ATP5F1A: variants seen among roughly 807,000 people sequenced by gnomAD.
The protein encoded by ATP5F1A is ATP synthase F(1) complex subunit alpha, mitochondrial.
Under a neutral mutation model 57.4 loss-of-function variants are expected in ATP5F1A, and 24 were observed. The observed-to-expected ratio is 0.42, with a 90% CI of 0.30 to 0.59. ATP5F1A has a LOEUF of 0.59. Ranked by LOEUF, ATP5F1A falls within the 20% of genes least tolerant of loss-of-function variation. ATP5F1A has a pLI of 0.19. For missense variants in ATP5F1A, 494 were observed against 707.9 expected (o/e 0.70, Z 3.43); for synonymous variants, 251 against 255.5 (o/e 0.98, Z 0.17).
At position 46,095,249 on chromosome 18, in the gene ATP5F1A, T is replaced by C. The variant is rs1910856578; in HGVS notation, c.61-118A>G. 13 of 909,266 alleles carry C rather than the reference T, an allele frequency of 1.4e-5. 1 individual carries two copies. The South Asian group carries it at 2.2e-4, about 15-fold the overall frequency. 56.3% of individuals were successfully genotyped at this position (909,266 alleles called of 1,614,324 possible). On this transcript the variant is annotated intron_variant, in intron 1 of 11. Coordinates refer to ENST00000398752, the MANE Select transcript of ATP5F1A (RefSeq NM_004046.6). Reference sequence around the variant, plus strand: ...TACTGGTGAAAATGCTAATTACATATAAAGCATTTTGTTTAAAATGTCAAA... The same window carrying C: ...TACTGGTGAAAATGCTAATTACATACAAAGCATTTTGTTTAAAATGTCAAA...
At chr18:46,101,072 AAAAC>A (rs1459331933), upstream of ATP5F1A, among the ~76,000 whole-genome samples, 7 of 152,140 alleles carry the variant, frequency 4.6e-5, no homozygotes, top group East Asian at 3.9e-4. Context: ...ACTCCATCTC[AAAAC>A]AAACAAACAA....
At position 46,087,059 on chromosome 18, in the gene ATP5F1A, A is replaced by G; in HGVS notation, c.1125T>C (p.Gly375=). 1 of 1,614,068 alleles carries G rather than the reference A, an allele frequency of 6.2e-7. No homozygotes were observed. Among genetic ancestry groups the G allele is most frequent in the Non-Finnish European group, 8.5e-7 (1 of 1,179,938 alleles). ...TTGTTGGAATGTAAGCAGACACATC[A>G]CCAGCCTGTGTTTCTATGACTGGCA... ...TALPVIETQA[G]DVSAYIPTNV... is the part of the protein sequence containing the mutation. The change falls in exon 8 of 12, where the codon GGT becomes GGC. Residue 375 remains glycine, a synonymous_variant. Coordinates refer to ENST00000398752, the MANE Select transcript of ATP5F1A (RefSeq NM_004046.6).
Position 46,082,698 on chromosome 18 carries a change from T to TA in ATP5F1A, c.*1583dup, listed in dbSNP as rs776601494. 5.4e-5 allele frequency: 8 copies of TA among 148,304 alleles called. No individual in the cohort carries two copies. The highest frequency in any genetic ancestry group is 2.0e-4 in the East Asian group (1 of 5,028). 9.2% of individuals were successfully genotyped at this position (148,304 alleles called of 1,614,324 possible). ...CATCTCAAATAAATAAATAACTAAG[T>TA]AAAAAAAAAGGTAACACATTAAGAA... is the stretch of plus-strand genomic sequence containing the variant. On this transcript the variant is annotated 3_prime_UTR_variant, in exon 12 of 12. Transcript: ENST00000398752.
chr18:46,103,126 AC>A (rs1459242857), upstream of ATP5F1A, among the ~76,000 whole-genome samples: 1 of 151,296 alleles, frequency 6.6e-6, no homozygotes, highest in East Asian at 1.9e-4. Context: ...ACGTGGTGAA[AC>A]CCCCCGTTCT....
upstream of ATP5F1A, among the ~76,000 whole-genome samples, chr18:46,098,796 C>CGAAA (rs1212789240): frequency 6.6e-6 from 1 of 152,152 alleles, no homozygotes; most frequent in Non-Finnish European, 1.5e-5. Flanking sequence ...CCCTCTGAGT[C>CGAAA]GAAAATTCGG....
Position 46,086,094 on chromosome 18 carries a change from G to T in ATP5F1A, c.1429+19C>A, listed in dbSNP as rs117126269. On this transcript the variant is annotated intron_variant, in intron 10 of 11. Coordinates refer to ENST00000398752, the MANE Select transcript of ATP5F1A (RefSeq NM_004046.6). ...ATACACAATAGGAACCTGACCAAAT[G>T]AAGAAAAGAACAACTTACAATACTG... The T allele has an allele frequency of 5.6e-3, 8,958 of 1,609,920 alleles. 41 individuals carry two copies. Among genetic ancestry groups the T allele is most frequent in the Middle Eastern group, 0.016 (69 of 4,414 alleles).
chr18:46,085,876 TG>T, intron 10 of ATP5F1A: 2 of 466,992 alleles, frequency 4.3e-6, no homozygotes, highest in South Asian at 6.4e-5. Flanking sequence ...GAGGTTGCAA[TG>T]AGCCAAGGTT....
In ATP5F1A at chr18:46,083,671, A is replaced by G. The variant is rs1362785272; in HGVS notation, c.*611T>C. ...CAGTTTAGGAATTTCTCTTAAACAC[A>G]AAGTACTCTAGAAACTTACAAAGAG... is the stretch of plus-strand genomic sequence containing the variant. On this transcript the variant is annotated 3_prime_UTR_variant, in exon 12 of 12. Coordinates refer to ENST00000398752, the MANE Select transcript of ATP5F1A (RefSeq NM_004046.6). 6.6e-6 allele frequency: 1 copy of G among 152,224 alleles called. No homozygotes were observed. The highest frequency in any genetic ancestry group is 2.4e-5 in the African/African-American group (1 of 41,436). The allele number at this position is 152,224 out of a possible 1,614,324, so 9.4% of individuals were successfully genotyped here.
intron 2 of ATP5F1A, among the ~76,000 whole-genome samples, chr18:46,093,538 C>CA (rs1257989385): frequency 6.6e-6 from 1 of 151,602 alleles, no homozygotes; most frequent in Non-Finnish European, 1.5e-5. Context: ...AACTCTGTCT[C>CA]AAAAAACAAA....
upstream of ATP5F1A, among the ~76,000 whole-genome samples, chr18:46,099,551 G>A (rs1456688182): frequency 6.6e-6 from 1 of 152,024 alleles, no homozygotes; most frequent in East Asian, 1.9e-4. Flanking sequence ...CTCCTGGGCT[G>A]GAGCAATCCT....
upstream of ATP5F1A, among the ~76,000 whole-genome samples, chr18:46,100,251 T>TAAAAAAAAAAAAAAAAA (rs34683117): frequency 1.5e-4 from 10 of 68,610 alleles, no homozygotes; most frequent in East Asian, 4.1e-4. Flanking sequence ...AAACTCCATC[T>TAAAAAAAAAAAAAAAAA]AAAAAAAAAA....
intron 3 of ATP5F1A, among the ~76,000 whole-genome samples, chr18:46,090,611 G>A (rs570102839): frequency 6.6e-6 from 1 of 152,230 alleles, no homozygotes; most frequent in South Asian, 2.1e-4. Flanking sequence ...GGAATAGTCT[G>A]GTCAATAATG....
intron 3 of ATP5F1A, among the ~76,000 whole-genome samples, 157 bp from the exon 4 acceptor site, chr18:46,090,153 C>T (rs1910454722): frequency 6.6e-6 from 1 of 152,144 alleles, no homozygotes; most frequent in African/African-American, 2.4e-5. Context: ...TAACAAACAA[C>T]CCTCTCTGAT....
rs1409533980 is a variant in ATP5F1A, at chr18:46,087,492, T to C, written c.800A>G (p.Asp267Gly). The C allele has an allele frequency of 6.2e-7, 1 of 1,610,418 alleles. No homozygotes were observed. Among genetic ancestry groups the C allele is most frequent in the East Asian group, 2.2e-5 (1 of 44,880 alleles). ...AQLVKRLTDA[D>G]AMKYTIVVSA... ...CACCACAATGGTGTACTTCATGGCA[T>C]CTGAGAAAATATATTTTACAATTTT... Residue 267 changes from aspartate to glycine, a missense_variant and splice_region_variant, in exon 7 of 12, where the codon GAT (aspartate) becomes GGT (glycine). Around this residue, in one of 6 missense-constraint regions of ATP5F1A, gnomAD observed 191 missense variants for 267.7 expected, o/e 0.71. Transcript: ENST00000398752.
At chr18:46,099,282 A>G (rs1911192692), upstream of ATP5F1A, 1 of 152,004 alleles carries the variant, frequency 6.6e-6, no homozygotes, top group Non-Finnish European at 1.5e-5. Flanking sequence ...GAGATGATGA[A>G]AAAACACTTT....
At chr18:46,091,925 C>A (rs1910583796) in intron 2 of ATP5F1A, 74 bp from the exon 3 acceptor site, 2 of 1,458,888 alleles carry the variant, frequency 1.4e-6, no homozygotes, top group Non-Finnish European at 1.8e-6. Context: ...GTAATCCCAG[C>A]ACTTTTGGAG....
upstream of ATP5F1A, among the ~76,000 whole-genome samples, chr18:46,100,575 A>G (rs1039509082): frequency 6.6e-6 from 1 of 151,376 alleles, no homozygotes; most frequent in Admixed American, 6.6e-5. Context: ...ACACCGGAAC[A>G]CTCCAGCCTG....
intron 5 of ATP5F1A, 155 bp downstream of exon 5, chr18:46,089,411 G>T: frequency 2.3e-6 from 2 of 853,774 alleles, no homozygotes; most frequent in Non-Finnish European, 3.6e-6. Context: ...GGTGTGGAGG[G>T]GCTGGCCCCC....
chr18:46,096,392 C>T (rs1167233668), intron 1 of ATP5F1A, among the ~76,000 whole-genome samples: 3 of 149,434 alleles, frequency 2.0e-5, no homozygotes, highest in African/African-American at 2.5e-5. Flanking sequence ...CCCAGCTACT[C>T]GGGAAGCTGA....
Sources: allele counts gnomAD v4.1 joint callset (sites outside exome capture counted in the v4.1 genomes callset), GRCh38; gene constraint gnomAD v4.1.1; regional missense constraint gnomAD v4.1.1; transcripts MANE v1.5; gene names NCBI Gene and HGNC (gene_info 2026-07-23, HGNC 2026-07-21).